ADAMTS17: variants seen among roughly 807,000 people sequenced by gnomAD.
The protein encoded by ADAMTS17 is ADAM metallopeptidase with thrombospondin type 1 motif 17.
ADAMTS17 carries 113 observed loss-of-function variants against 141.5 expected under a neutral mutation model. That is an observed-to-expected ratio of 0.80 (90% confidence interval 0.69 to 0.93). The LOEUF (loss-of-function observed/expected upper bound fraction) is 0.93, where lower values mean the gene tolerates loss of function less well. ADAMTS17 is among the 40% of genes least tolerant of loss of function. The pLI is 0.00. For missense variants in ADAMTS17, 1,659 were observed against 1,517.9 expected (o/e 1.09, Z -1.54); for synonymous variants, 768 against 630.6 (o/e 1.22, Z -3.27).
At chr15:100,111,981 A>C (rs918651672) in intron 13 of ADAMTS17, among the ~76,000 whole-genome samples, 5 of 152,250 alleles carry the variant, frequency 3.3e-5, no homozygotes, top group Non-Finnish European at 7.3e-5. Flanking sequence ...TACCAAGAGC[A>C]AAGTGGCATT....
At chr15:100,009,280 A>G (rs2141393611) in intron 18 of ADAMTS17, among the ~76,000 whole-genome samples, 1 of 152,206 alleles carries the variant, frequency 6.6e-6, no homozygotes, top group East Asian at 1.9e-4. Context: ...GGGCTCCCCT[A>G]TTCCTATGTA....
intron 3 of ADAMTS17, among the ~76,000 whole-genome samples, chr15:100,297,895 C>T (rs1049434515): frequency 2.0e-5 from 3 of 152,098 alleles, no homozygotes; most frequent in Non-Finnish European, 4.4e-5. Context: ...GGCCAAGCTA[C>T]GACAAGAGCA....
chr15:100,341,031 G>C lies in ADAMTS17; in HGVS notation c.450+8C>G. The C allele has an allele frequency of 1.3e-6, 2 of 1,523,668 alleles. No homozygotes were observed. The highest frequency in any genetic ancestry group is 2.5e-5 in the East Asian group (1 of 40,120). 94.4% of individuals were successfully genotyped at this position (1,523,668 alleles called of 1,614,324 possible). A position where few individuals can be genotyped will look rare whatever the true frequency, so the allele number is the denominator to read the frequency against. On this transcript the variant is annotated splice_region_variant and intron_variant, in intron 2 of 21. Transcript: ENST00000268070. ...GACGGGCCGACCCGGAGGTGGCGCGGGCAGTACCAGGCCGCCGGCGGCGCC... is the reference window on the plus strand; with the variant it reads ...GACGGGCCGACCCGGAGGTGGCGCGCGCAGTACCAGGCCGCCGGCGGCGCC...
Position 100,336,378 on chromosome 15 carries a change from C to T in ADAMTS17, c.450+4661G>A, listed in dbSNP as rs186052062. Among the ~76,000 whole-genome samples, 11 of 152,316 alleles carry T rather than the reference C, an allele frequency of 7.2e-5. No homozygotes were observed. In the East Asian group the frequency reaches 1.9e-3, roughly 27 times the overall value. ...TTGTTCCAGAGGTGGCAGCCAGAGG[C>T]CTTAGAACTTTCTGAGTTCTTCCCT... On this transcript the variant is annotated intron_variant, in intron 2 of 21. Transcript: ENST00000268070.
At chr15:100,011,901 C>G (rs2061192275) in intron 18 of ADAMTS17, among the ~76,000 whole-genome samples, 1 of 152,234 alleles carries the variant, frequency 6.6e-6, no homozygotes, top group South Asian at 2.1e-4. Flanking sequence ...CCTGTGGGTA[C>G]ATACCCAGTG....
At chr15:100,137,182 A>T (rs1054854069) in intron 10 of ADAMTS17, among the ~76,000 whole-genome samples, 27 of 152,224 alleles carry the variant, frequency 1.8e-4, no homozygotes, top group African/African-American at 5.8e-4. Context: ...CACTGATCAA[A>T]GTATTGATTG....
chr15:100,137,443 C>A (rs1415708794), intron 10 of ADAMTS17, among the ~76,000 whole-genome samples: 1 of 152,026 alleles, frequency 6.6e-6, no homozygotes, highest in Non-Finnish European at 1.5e-5. Context: ...AGAAAAATAA[C>A]AGAATTGGGT....
chr15:100,228,172 C>T (rs762716122), intron 7 of ADAMTS17, among the ~76,000 whole-genome samples: 21 of 152,178 alleles, frequency 1.4e-4, no homozygotes, highest in African/African-American at 4.1e-4. Context: ...CGCTCTTTCC[C>T]GAAATCTTTA....
At chr15:100,128,647 G>C (rs576958598) in intron 12 of ADAMTS17, 2 of 152,354 alleles carry the variant, frequency 1.3e-5, no homozygotes, top group African/African-American at 4.8e-5. Context: ...TCACAACTTT[G>C]TGATTTACAG....
intron 15 of ADAMTS17, among the ~76,000 whole-genome samples, chr15:100,087,352 T>C (rs1183887332): frequency 1.3e-5 from 2 of 152,144 alleles, no homozygotes; most frequent in Admixed American, 6.5e-5. Context: ...ATTAATAGCT[T>C]ACCAACCAAA....
In ADAMTS17 at chr15:100,068,181, G is replaced by A. The variant is rs183181325; in HGVS notation, c.2138-14127C>T. ...TAGCACAGCAGTCTGAGATCAAACT[G>A]CAAGGCGGCAGTGAGGCTGGGGGAG... On this transcript the variant is annotated intron_variant, in intron 15 of 21. Coordinates refer to ENST00000268070, the MANE Select transcript of ADAMTS17 (RefSeq NM_139057.4). Among the ~76,000 whole-genome samples, 966 of 152,256 alleles carry A rather than the reference G, an allele frequency of 6.3e-3. 7 individuals carry two copies. Among genetic ancestry groups the A allele is most frequent in the Middle Eastern group, 0.051 (15 of 294 alleles).
chr15:100,196,932 G>C (rs2041140800), intron 8 of ADAMTS17, among the ~76,000 whole-genome samples: 1 of 152,212 alleles, frequency 6.6e-6, no homozygotes. Flanking sequence ...CCAAATGCTA[G>C]CAAGATTTAT....
intron 8 of ADAMTS17, among the ~76,000 whole-genome samples, chr15:100,156,488 C>T (rs943646693): frequency 1.8e-4 from 28 of 152,296 alleles, no homozygotes; most frequent in Admixed American, 5.2e-4. Flanking sequence ...TTTGGGCTAG[C>T]GGGGCCCTCT....
chr15:100,017,002 C>A (rs374773195), intron 18 of ADAMTS17, among the ~76,000 whole-genome samples: 1 of 152,046 alleles, frequency 6.6e-6, no homozygotes, highest in African/African-American at 2.4e-5. Context: ...CAGGGGTGGA[C>A]GCGTCTGAGC....
chr15:100,221,003 T>G (rs1473269622), intron 7 of ADAMTS17, among the ~76,000 whole-genome samples: 1 of 152,204 alleles, frequency 6.6e-6, no homozygotes, highest in East Asian at 1.9e-4. Context: ...CGGACCTATG[T>G]TTCCAATTCT....
intron 18 of ADAMTS17, among the ~76,000 whole-genome samples, chr15:100,032,678 G>C (rs2030295248): frequency 6.6e-6 from 1 of 152,236 alleles, no homozygotes; most frequent in Admixed American, 6.5e-5. Context: ...GAAGCAGGCT[G>C]TACTGTTTTT....
At chr15:100,077,263 G>A (rs1476643277) in intron 15 of ADAMTS17, among the ~76,000 whole-genome samples, 1 of 115,004 alleles carries the variant, frequency 8.7e-6, no homozygotes, top group Non-Finnish European at 1.7e-5. Flanking sequence ...GGCCAACATG[G>A]TGAAACCCTA....
chr15:100,253,663 C>G (rs1178299482), intron 7 of ADAMTS17, among the ~76,000 whole-genome samples: 2 of 152,046 alleles, frequency 1.3e-5, no homozygotes, highest in African/African-American at 2.4e-5. Context: ...TAGCCTGGCA[C>G]CAAGGCAGGT....
intron 7 of ADAMTS17, among the ~76,000 whole-genome samples, chr15:100,208,952 T>C (rs1219886313): frequency 6.6e-6 from 1 of 152,184 alleles, no homozygotes; most frequent in East Asian, 1.9e-4. Context: ...ATATGAGCCA[T>C]TTCTAATTTA....
Sources: allele counts gnomAD v4.1 joint callset (sites outside exome capture counted in the v4.1 genomes callset), GRCh38; gene constraint gnomAD v4.1.1; transcripts MANE v1.5; gene names NCBI Gene and HGNC (gene_info 2026-07-23, HGNC 2026-07-21).